PTPN13: variants seen among roughly 807,000 people sequenced by gnomAD.
PTPN13 encodes tyrosine-protein phosphatase non-receptor type 13.
PTPN13 carries 191 observed loss-of-function variants against 284.0 expected under a neutral mutation model. The ratio of observed to expected loss-of-function variants is 0.67; its 90% CI spans 0.60 to 0.76. PTPN13 has a LOEUF of 0.76. Among genes scored for constraint, PTPN13 ranks in the 30% least tolerant of loss-of-function variants. The pLI, the probability that PTPN13 is intolerant of heterozygous loss-of-function variation, is 0.00. For missense variants in PTPN13, 2,797 were observed against 2,939.9 expected (o/e 0.95, Z 1.12); for synonymous variants, 986 against 1,022.3 (o/e 0.96, Z 0.68).
chr4:86,640,376 G>A (rs1056439786), intron 2 of PTPN13, among the ~76,000 whole-genome samples: 2 of 152,154 alleles, frequency 1.3e-5, no homozygotes, highest in Non-Finnish European at 2.9e-5. Flanking sequence ...CTCCAAAGGT[G>A]TTATTGAAGG....
chr4:86,625,146 G>A (rs1721687897), intron 1 of PTPN13, among the ~76,000 whole-genome samples: 1 of 152,040 alleles, frequency 6.6e-6, no homozygotes, highest in Admixed American at 6.6e-5. Context: ...TAATCTTTGT[G>A]ACTTTACCTA....
At chr4:86,693,245 G>A (rs1730226873) in intron 5 of PTPN13, among the ~76,000 whole-genome samples, 1 of 152,014 alleles carries the variant, frequency 6.6e-6, no homozygotes, top group African/African-American at 2.4e-5. Flanking sequence ...ACTAACTTAA[G>A]AGTAGTTAGT....
At chr4:86,683,150 C>T (rs201807746) in intron 3 of PTPN13, among the ~76,000 whole-genome samples, 41 of 147,868 alleles carry the variant, frequency 2.8e-4, no homozygotes, top group East Asian at 4.0e-4. Flanking sequence ...AGGGTGTGTG[C>T]GTGTGTGTGT....
chr4:86,722,458 C>T (rs1733779815), intron 10 of PTPN13, 24 bp downstream of exon 10: 1 of 1,576,772 alleles, frequency 6.3e-7, no homozygotes. Flanking sequence ...CAGGTTACTA[C>T]ACATCTAAAC....
Position 86,613,660 on chromosome 4 carries a change from G to A in PTPN13, c.-6+18871G>A, listed in dbSNP as rs184302472. On this transcript the variant is annotated intron_variant, in intron 1 of 47. Transcript: ENST00000411767. Reference sequence around the variant, plus strand: ...AAAAAAAAAAAAAAAAAGAGTTTGGGGAGTAGTGAGAACCCTCCTGAAATC... The same window carrying A: ...AAAAAAAAAAAAAAAAAGAGTTTGGAGAGTAGTGAGAACCCTCCTGAAATC... Among the ~76,000 whole-genome samples the A allele has an allele frequency of 2.1e-5, 3 of 145,992 alleles. No homozygotes were observed. The East Asian group carries it at 5.8e-4, about 28-fold the overall frequency.
At chr4:86,810,979 G>A (rs549901694) in intron 46 of PTPN13, 67 bp from the exon 47 acceptor site, 3 of 1,487,884 alleles carry the variant, frequency 2.0e-6, no homozygotes, top group African/African-American at 1.4e-5. Context: ...CCTCCCCTCT[G>A]TGATCCTTTT....
intron 2 of PTPN13, among the ~76,000 whole-genome samples, chr4:86,641,517 G>C (rs891980895): frequency 1.3e-5 from 2 of 152,030 alleles, no homozygotes; most frequent in Non-Finnish European, 2.9e-5. Flanking sequence ...GCAATCGAAG[G>C]CTTTCCATTT....
chr4:86,734,047 C>T (rs1268698288), intron 12 of PTPN13, among the ~76,000 whole-genome samples: 1 of 152,044 alleles, frequency 6.6e-6, no homozygotes, highest in Non-Finnish European at 1.5e-5. Context: ...CAGTGTCATA[C>T]GGATAGTAAA....
At chr4:86,644,133 T>C (rs1384567112) in intron 2 of PTPN13, among the ~76,000 whole-genome samples, 2 of 148,742 alleles carry the variant, frequency 1.3e-5, no homozygotes, top group African/African-American at 2.5e-5. Context: ...GATGATTGAT[T>C]TTTTTTTTTT....
chr4:86,712,365 AAGAAATGTTTCTGCTC>A (rs1732513338), intron 7 of PTPN13, among the ~76,000 whole-genome samples: 1 of 151,566 alleles, frequency 6.6e-6, no homozygotes, highest in African/African-American at 2.4e-5. Flanking sequence ...TCAGAGAACC[AAGAAATGTTTCTGCTC>A]AGATGACTTG....
Position 86,770,210 on chromosome 4 carries a change from T to C in PTPN13, c.4803+11T>C, listed in dbSNP as rs57288456. On this transcript the variant is annotated intron_variant, in intron 30 of 47. Transcript: ENST00000411767. ...GATACTGCGCTTTTGGTGAGACTTA[T>C]GAAAAGTAATTTACAGTTTTATAGA... 1.4e-4 allele frequency: 222 copies of C among 1,601,526 alleles called. No individual in the cohort carries two copies. The African/African-American group carries it at 2.4e-3, about 17-fold the overall frequency.
At chr4:86,742,952 A>C (rs1173462660) in intron 16 of PTPN13, among the ~76,000 whole-genome samples, 11 of 152,206 alleles carry the variant, frequency 7.2e-5, no homozygotes, top group Admixed American at 6.5e-4. Context: ...ATTTGTGGGA[A>C]TAGAGAATAG....
chr4:86,763,887 A>G (rs1738986006), intron 24 of PTPN13, among the ~76,000 whole-genome samples: 1 of 152,156 alleles, frequency 6.6e-6, no homozygotes, highest in Non-Finnish European at 1.5e-5. Flanking sequence ...GAAGGAAAGG[A>G]GGAAGGGAGG....
At chr4:86,765,629 A>C in intron 26 of PTPN13, 141 bp downstream of exon 26, 1 of 569,102 alleles carries the variant, frequency 1.8e-6, no homozygotes, top group Non-Finnish European at 2.9e-6. Flanking sequence ...GCATTAAGAA[A>C]CTCTTTGATG....
chr4:86,769,437 T>C (rs1428792954), intron 28 of PTPN13, among the ~76,000 whole-genome samples: 2 of 152,086 alleles, frequency 1.3e-5, no homozygotes, highest in Non-Finnish European at 2.9e-5. Flanking sequence ...AGTACTGGGG[T>C]TTATAGGCAT....
At chr4:86,669,546 T>G (rs1012764289) in intron 2 of PTPN13, among the ~76,000 whole-genome samples, 1 of 152,110 alleles carries the variant, frequency 6.6e-6, no homozygotes, top group Non-Finnish European at 1.5e-5. Context: ...TTACTGACCT[T>G]GGTTGTCCTG....
chr4:86,649,882 A>G (rs1434652409), intron 2 of PTPN13, among the ~76,000 whole-genome samples: 1 of 152,158 alleles, frequency 6.6e-6, no homozygotes, highest in Non-Finnish European at 1.5e-5. Context: ...TCATGCTTGG[A>G]TAATTTTTAT....
Position 86,758,773 on chromosome 4 carries a change from T to C in PTPN13, c.3409T>C (p.Cys1137Arg), listed in dbSNP as rs1480462780. 6.2e-7 allele frequency: 1 copy of C among 1,613,558 alleles called. No homozygotes were observed. The highest frequency in any genetic ancestry group is 8.5e-7 in the Non-Finnish European group (1 of 1,179,590). The change falls in exon 22 of 48, where the codon TGC (cysteine) becomes CGC (arginine). Residue 1137 changes from cysteine to arginine, a missense_variant. Cys to Arg is a radical substitution (Grantham distance 180). Transcript: ENST00000411767. Reference sequence around the variant, plus strand: ...TGGAGGACCAGCTGACTTGGATGGATGCTTGAAGCCAGGTACTTTACATTT... The same window carrying C: ...TGGAGGACCAGCTGACTTGGATGGACGCTTGAAGCCAGGTACTTTACATTT... ...APGGPADLDG[C>R]LKPGDRLISV...
chr4:86,632,864 A>G (rs1722613366), intron 1 of PTPN13, among the ~76,000 whole-genome samples: 1 of 152,160 alleles, frequency 6.6e-6, no homozygotes, highest in African/African-American at 2.4e-5. Context: ...GCTGGAGTAC[A>G]GAAGCATGAT....
Sources: allele counts gnomAD v4.1 joint callset (sites outside exome capture counted in the v4.1 genomes callset), GRCh38; gene constraint gnomAD v4.1.1; transcripts MANE v1.5; gene names NCBI Gene and HGNC (gene_info 2026-07-23, HGNC 2026-07-21).